PARP12: variants seen among roughly 807,000 people sequenced by gnomAD.
PARP12 encodes the protein protein mono-ADP-ribosyltransferase PARP12.
PARP12 carries 59 observed loss-of-function variants against 72.4 expected under a neutral mutation model. That is an observed-to-expected ratio of 0.81 (90% confidence interval 0.66 to 1.01). The LOEUF (loss-of-function observed/expected upper bound fraction) is 1.01, where lower values mean the gene tolerates loss of function less well. PARP12 is among the 50% of genes least tolerant of loss of function. The pLI, the probability that PARP12 is intolerant of heterozygous loss-of-function variation, is 0.00. For synonymous variants in PARP12, 403 were observed against 371.4 expected, an observed-to-expected ratio of 1.09 and a Z score of -0.98; for missense variants, 851 against 914.0, an observed-to-expected ratio of 0.93 and a Z score of 0.89.
intron 11 of PARP12, chr7:140,025,305 A>T (rs1399675349): frequency 3.4e-6 from 1 of 290,234 alleles, no homozygotes; most frequent in Non-Finnish European, 6.8e-6. Context: ...CTGGCAGCCC[A>T]ATGTATAGAA....
chr7:140,058,059 A>G (rs753981698), intron 1 of PARP12, 25 bp from the exon 2 acceptor site: 13 of 1,613,828 alleles, frequency 8.1e-6, no homozygotes, highest in Admixed American at 1.7e-5. Context: ...AGCTGGTGTT[A>G]TATGTCGAAT....
intron 10 of PARP12, 121 bp from the exon 11 acceptor site, chr7:140,026,469 AG>A: frequency 7.4e-7 from 1 of 1,349,438 alleles, no homozygotes; most frequent in Non-Finnish European, 9.9e-7. Flanking sequence ...CAAGAGACGC[AG>A]GTCACAGGCT....
intron 4 of PARP12, among the ~76,000 whole-genome samples, chr7:140,050,403 C>T (rs752980102): frequency 2.6e-5 from 4 of 152,120 alleles, no homozygotes; most frequent in Admixed American, 2.6e-4. Context: ...GCAAATGAGA[C>T]GGCCACCAAA....
intron 5 of PARP12, among the ~76,000 whole-genome samples, chr7:140,045,074 G>A (rs1246155982): frequency 4.6e-5 from 7 of 150,566 alleles, no homozygotes; most frequent in Admixed American, 4.6e-4. Context: ...CTGTCACCCA[G>A]ACTGGAGTGT....
Position 140,034,259 on chromosome 7 carries a change from T to C in PARP12, c.1397A>G (p.Gln466Arg). ...CCAGGTTTGCATGGTCGTCACATCC[T>C]GGGGAGACACGTATTTGGGTCTGCG... is the stretch of plus-strand genomic sequence containing the variant. ...VCRRPKYVSP[Q>R]DVTTMQTCNT... is the part of the protein sequence containing the mutation. Residue 466 changes from glutamine to arginine, a missense_variant, in exon 8 of 12, where the codon CAG becomes CGG. Coordinates refer to ENST00000263549, the MANE Select transcript of PARP12 (RefSeq NM_022750.4). 13 of 1,613,216 alleles carry C rather than the reference T, an allele frequency of 8.1e-6. No individual in the cohort carries two copies. Among genetic ancestry groups the C allele is most frequent in the Non-Finnish European group, 1.0e-5 (12 of 1,179,464 alleles).
chr7:140,048,749 T>C lies in PARP12; in HGVS notation c.863-1742A>G, dbSNP rs561317070. On this transcript the variant is annotated intron_variant, in intron 4 of 11. Coordinates refer to ENST00000263549, the MANE Select transcript of PARP12 (RefSeq NM_022750.4). ...CTTTGAACCACAAGAAGATATAATA[T>C]ATTCCAAAAATTATACATCTAATTA... Among the ~76,000 whole-genome samples, 4 of 152,348 alleles carry C rather than the reference T, an allele frequency of 2.6e-5. No individual in the cohort carries two copies. In the South Asian group the frequency reaches 8.3e-4, roughly 32 times the overall value.
intron 7 of PARP12, among the ~76,000 whole-genome samples, chr7:140,036,565 G>A (rs1218422593): frequency 6.6e-6 from 1 of 152,140 alleles, no homozygotes; most frequent in Non-Finnish European, 1.5e-5. Context: ...ACCAAGGCCA[G>A]AAACAGACAG....
intron 3 of PARP12, among the ~76,000 whole-genome samples, chr7:140,055,010 C>T (rs567105309): frequency 6.7e-4 from 102 of 152,298 alleles, no homozygotes; most frequent in Admixed American, 1.8e-3. Context: ...TCTCAACTCT[C>T]GCTGTCCATT....
At chr7:140,054,808 T>A in intron 3 of PARP12, 45 bp from the exon 4 acceptor site, 4 of 1,480,518 alleles carry the variant, frequency 2.7e-6, no homozygotes, top group Non-Finnish European at 3.8e-6. Context: ...TGATATGGGG[T>A]ATAAAAGAGA....
rs1290219228 is a variant in PARP12, at chr7:140,023,798, A to C, written c.*762T>G. 6.5e-6 allele frequency: 1 copy of C among 152,918 alleles called. No individual in the cohort carries two copies. Among genetic ancestry groups the C allele is most frequent in the Non-Finnish European group, 1.5e-5 (1 of 68,258 alleles). The allele number at this position is 152,918 out of a possible 1,614,324, so 9.5% of individuals were successfully genotyped here. On this transcript the variant is annotated 3_prime_UTR_variant, in exon 12 of 12. Transcript: ENST00000263549. ...CATACTCTTTTGTGACATGTGTGGC[A>C]CAAGTATTCAATCTCACAGGGATGT...
chr7:140,052,411 A>G (rs1052988931), intron 4 of PARP12, among the ~76,000 whole-genome samples: 1 of 152,136 alleles, frequency 6.6e-6, no homozygotes, highest in African/African-American at 2.4e-5. Context: ...TCTTAAAATG[A>G]CTTACTCATT....
Position 140,062,607 on chromosome 7 carries a change from A to G in PARP12, c.241T>C (p.Ser81Pro). ...CAGAGCCCCACGCAGCCCGGCTTGG[A>G]GCCCTGGTGCGCGCGACACAGGCGC... The part of the protein sequence containing the change: ...PLRLCRAHQG[S>P]KPGCVGLCAQ... Residue 81 changes from serine (S) to proline (P), a missense_variant, in exon 1 of 12, where the codon TCC becomes CCC. Coordinates refer to ENST00000263549, the MANE Select transcript of PARP12 (RefSeq NM_022750.4). 1 of 1,511,994 alleles carries G rather than the reference A, an allele frequency of 6.6e-7. No individual in the cohort carries two copies. Among genetic ancestry groups the G allele is most frequent in the Admixed American group, 2.0e-5 (1 of 49,410 alleles). The allele number at this position is 1,511,994 out of a possible 1,614,324, so 93.7% of individuals were successfully genotyped here. A position where few individuals can be genotyped will look rare whatever the true frequency, so the allele number is the denominator to read the frequency against.
chr7:140,051,979 C>T (rs891750015), intron 4 of PARP12, among the ~76,000 whole-genome samples: 3 of 152,230 alleles, frequency 2.0e-5, no homozygotes, highest in Admixed American at 6.5e-5. Flanking sequence ...TCTCAAAAAA[C>T]TGTTGCTGTG....
rs564330236 is a variant in PARP12, at chr7:140,028,302, T to C, written c.1497+311A>G. Among the ~76,000 whole-genome samples, 12 of 152,236 alleles carry C rather than the reference T, an allele frequency of 7.9e-5. No individual in the cohort carries two copies. In the East Asian group the frequency reaches 1.3e-3, roughly 17 times the overall value. Reference sequence around the variant, plus strand: ...CTTCTCCTTTTCTCGCTTAATAAAATTGGTATTTATTGGTTAAGCCCAGCC... The same window carrying C: ...CTTCTCCTTTTCTCGCTTAATAAAACTGGTATTTATTGGTTAAGCCCAGCC... On this transcript the variant is annotated intron_variant, in intron 9 of 11. Coordinates refer to ENST00000263549, the MANE Select transcript of PARP12 (RefSeq NM_022750.4).
rs566788492 is a variant in PARP12, at chr7:140,032,337, G to T, written c.1421+1898C>A. On this transcript the variant is annotated intron_variant, in intron 8 of 11. Transcript: ENST00000263549. The stretch of plus-strand genomic sequence containing the variant: ...ACCTAACAGTCGACCTCCAAAATTT[G>T]TTTTTTTTAATTAAAAAAAAAAAGA... Among the ~76,000 whole-genome samples, 16 of 149,588 alleles carry T rather than the reference G, an allele frequency of 1.1e-4. No homozygotes were observed. The South Asian group carries it at 3.0e-3, about 28-fold the overall frequency.
intron 1 of PARP12, 48 bp downstream of exon 1, chr7:140,062,474 G>A: frequency 1.3e-6 from 2 of 1,493,138 alleles, no homozygotes; most frequent in East Asian, 2.6e-5. Context: ...AAGTGCGTGA[G>A]GGCGCGCAGG....
chr7:140,062,896 G>A lies in PARP12; in HGVS notation c.-49C>T, dbSNP rs886841651. Reference sequence around the variant, plus strand: ...GACCGCGGGTGGCGCGACGCGGACGGCGGCGGACGCTGGCTGGCGGGCGGC... The same window carrying A: ...GACCGCGGGTGGCGCGACGCGGACGACGGCGGACGCTGGCTGGCGGGCGGC... On this transcript the variant is annotated 5_prime_UTR_variant, in exon 1 of 12. Transcript: ENST00000263549. 1.5e-5 allele frequency: 18 copies of A among 1,224,172 alleles called. No homozygotes were observed. The highest frequency in any genetic ancestry group is 1.8e-5 in the Non-Finnish European group (18 of 981,016). 75.8% of individuals were successfully genotyped at this position (1,224,172 alleles called of 1,614,324 possible).
intron 3 of PARP12, 50 bp downstream of exon 3, chr7:140,056,806 C>A (rs1256891528): frequency 6.6e-7 from 1 of 1,511,654 alleles, no homozygotes; most frequent in Admixed American, 2.1e-5. Context: ...ACCCCCAGCC[C>A]AGGACCTCCC....
intron 5 of PARP12, among the ~76,000 whole-genome samples, 196 bp from the exon 6 acceptor site, chr7:140,042,035 T>C (rs912715919): frequency 3.3e-5 from 5 of 152,176 alleles, no homozygotes; most frequent in Non-Finnish European, 7.3e-5. Context: ...CAAGATAATG[T>C]GGGAGACTAG....
Sources: gnomAD v4.1 joint callset for allele counts (sites outside exome capture counted in the v4.1 genomes callset) on GRCh38, gnomAD v4.1.1 for gene constraint, MANE v1.5 for transcripts, NCBI Gene and HGNC (gene_info 2026-07-23, HGNC 2026-07-21) for gene names.